The following HNF4G variants were observed in gnomAD, a reference collection of about 807,000 sequenced individuals.
HNF4G encodes the protein hepatocyte nuclear factor 4-gamma.
HNF4G carries 21 observed loss-of-function variants against 50.9 expected under a neutral mutation model. That is an observed-to-expected ratio of 0.41 (90% confidence interval 0.29 to 0.59). The LOEUF is 0.59. HNF4G is among the 20% of genes least tolerant of loss of function. The probability of loss-of-function intolerance (pLI) is 0.26; values close to 1 mark genes in which losing one functional copy is unlikely to be tolerated. For missense variants in HNF4G, 527 were observed against 559.4 expected (o/e 0.94, Z 0.58); for synonymous variants, 198 against 185.6 (o/e 1.07, Z -0.54).
At chr8:75,512,592 G>C (rs1004379048) in intron 2 of HNF4G, among the ~76,000 whole-genome samples, 7 of 151,870 alleles carry the variant, frequency 4.6e-5, no homozygotes, top group African/African-American at 1.7e-4. Flanking sequence ...GGCCTCTGGA[G>C]TAGCTGGGAC....
intron 8 of HNF4G, 40 bp downstream of exon 8, chr8:75,559,077 C>A: frequency 1.6e-6 from 2 of 1,233,500 alleles, no homozygotes; most frequent in South Asian, 1.2e-5. Context: ...TGATTAGAAT[C>A]ACACTAAATA....
intron 8 of HNF4G, 135 bp downstream of exon 8, chr8:75,559,172 T>C: frequency 1.5e-6 from 1 of 671,892 alleles, no homozygotes; most frequent in Non-Finnish European, 2.6e-6. Flanking sequence ...TTCCTTCTGC[T>C]ATGACATAAT....
upstream of HNF4G, among the ~76,000 whole-genome samples, chr8:75,539,093 C>G (rs1806541472): frequency 6.6e-6 from 1 of 151,994 alleles, no homozygotes; most frequent in Admixed American, 6.6e-5. Flanking sequence ...AATATACACA[C>G]AGAAGATGTA....
chr8:75,441,758 T>C (rs1295146022), intron 1 of HNF4G, among the ~76,000 whole-genome samples: 3 of 152,222 alleles, frequency 2.0e-5, no homozygotes, highest in Non-Finnish European at 4.4e-5. Flanking sequence ...TCTTCATTTC[T>C]GTACTTATCC....
intron 1 of HNF4G, among the ~76,000 whole-genome samples, chr8:75,475,080 C>T (rs1812211589): frequency 6.7e-6 from 1 of 149,726 alleles, no homozygotes; most frequent in South Asian, 2.1e-4. Context: ...GTGATCTCGG[C>T]TCAGTGCCAA....
upstream of HNF4G, among the ~76,000 whole-genome samples, chr8:75,538,882 T>A (rs1055052074): frequency 6.6e-6 from 1 of 152,182 alleles, no homozygotes; most frequent in Non-Finnish European, 1.5e-5. Flanking sequence ...GACAGAGTAT[T>A]CATAAGGTTT....
intron 1 of HNF4G, among the ~76,000 whole-genome samples, chr8:75,442,499 A>G (rs1292107795): frequency 6.6e-6 from 1 of 152,116 alleles, no homozygotes; most frequent in Non-Finnish European, 1.5e-5. Context: ...ACTGAACCCC[A>G]GGAAGTCAAG....
At chr8:75,527,527 A>G (rs1806216920) in intron 2 of HNF4G, among the ~76,000 whole-genome samples, 1 of 152,218 alleles carries the variant, frequency 6.6e-6, no homozygotes, top group Non-Finnish European at 1.5e-5. Context: ...ACAAACATAT[A>G]TATACACAGA....
chr8:75,462,944 A>G (rs568136516), intron 1 of HNF4G, among the ~76,000 whole-genome samples: 1 of 152,252 alleles, frequency 6.6e-6, no homozygotes, highest in East Asian at 1.9e-4. Context: ...ACATTTGCAA[A>G]AACTATTTTC....
intron 2 of HNF4G, among the ~76,000 whole-genome samples, chr8:75,521,393 G>T (rs1047968168): frequency 1.3e-5 from 2 of 152,160 alleles, no homozygotes; most frequent in African/African-American, 4.8e-5. Flanking sequence ...ACAGTTTTAT[G>T]TAGATAGTAT....
chr8:75,492,103 G>A (rs1347044310), intron 2 of HNF4G, among the ~76,000 whole-genome samples: 2 of 152,094 alleles, frequency 1.3e-5, no homozygotes, highest in Admixed American at 6.5e-5. Flanking sequence ...GAAGGTAATC[G>A]CTTTTAAGAT....
intron 2 of HNF4G, among the ~76,000 whole-genome samples, chr8:75,527,603 A>G (rs189612760): frequency 2.8e-4 from 43 of 152,360 alleles, no homozygotes; most frequent in Non-Finnish European, 5.0e-4. Context: ...AGTATTAGTT[A>G]CAGTCTCCAA....
At chr8:75,519,478 C>A (rs2130742257) in intron 2 of HNF4G, among the ~76,000 whole-genome samples, 1 of 152,292 alleles carries the variant, frequency 6.6e-6, no homozygotes, top group African/African-American at 2.4e-5. Flanking sequence ...CTAATAAAGA[C>A]ATACCCGAGA....
upstream of HNF4G, among the ~76,000 whole-genome samples, chr8:75,535,399 C>A (rs1234335856): frequency 2.0e-5 from 3 of 151,300 alleles, no homozygotes; most frequent in Non-Finnish European, 4.4e-5. Context: ...GGTGGCTTTG[C>A]TTTGAATTAA....
chr8:75,499,851 TG>T (rs1305938836), intron 2 of HNF4G, among the ~76,000 whole-genome samples: 1 of 151,992 alleles, frequency 6.6e-6, no homozygotes, highest in Non-Finnish European at 1.5e-5. Context: ...CAAAAAATAA[TG>T]TTGAATGCCT....
chr8:75,443,515 TA>T (rs1353596142), intron 1 of HNF4G, among the ~76,000 whole-genome samples: 10 of 152,300 alleles, frequency 6.6e-5, no homozygotes, highest in African/African-American at 2.4e-4. Flanking sequence ...AAATTTAAAG[TA>T]TTCGATGTTT....
chr8:75,496,347 G>A (rs1324822063), intron 2 of HNF4G, among the ~76,000 whole-genome samples: 2 of 151,862 alleles, frequency 1.3e-5, no homozygotes, highest in Non-Finnish European at 2.9e-5. Context: ...GCAGCTTCCT[G>A]AATATATCTT....
intron 1 of HNF4G, among the ~76,000 whole-genome samples, chr8:75,419,555 G>A (rs1415931519): frequency 6.6e-6 from 1 of 152,154 alleles, no homozygotes; most frequent in Non-Finnish European, 1.5e-5. Flanking sequence ...ATACACATAA[G>A]CCTTTAAGAT....
chr8:75,488,700 T>C (rs371813092), intron 1 of HNF4G, among the ~76,000 whole-genome samples: 13 of 152,332 alleles, frequency 8.5e-5, no homozygotes, highest in East Asian at 3.9e-4. Flanking sequence ...AACTGCGATT[T>C]ACACAGGGAC....
Sources: gnomAD v4.1 joint callset for allele counts (sites outside exome capture counted in the v4.1 genomes callset) on GRCh38, gnomAD v4.1.1 for gene constraint, MANE v1.5 for transcripts, NCBI Gene and HGNC (gene_info 2026-07-23, HGNC 2026-07-21) for gene names.